MYCBP2: variants seen among roughly 807,000 people sequenced by gnomAD.
MYCBP2 encodes MYC binding protein 2.
MYCBP2 carries 120 observed loss-of-function variants against 525.3 expected under a neutral mutation model. The observed-to-expected ratio is 0.23, with a 90% CI of 0.20 to 0.27. The LOEUF is 0.27. MYCBP2 is among the 10% of genes least tolerant of loss of function. The pLI, the probability that MYCBP2 is intolerant of heterozygous loss-of-function variation, is 1.00. For synonymous variants in MYCBP2, 1,894 were observed against 1,955.8 expected (o/e 0.97, Z 0.83); for missense variants, 4,149 against 5,657.1 (o/e 0.73, Z 8.55).
chr13:77,074,620 A>G (rs1041360843), intron 68 of MYCBP2, among the ~76,000 whole-genome samples: 1 of 152,272 alleles, frequency 6.6e-6, no homozygotes, highest in African/African-American at 2.4e-5. Context: ...ATCCATCAAA[A>G]AATGAAAGGA....
intron 52 of MYCBP2, among the ~76,000 whole-genome samples, chr13:77,133,134 A>G (rs895266758): frequency 6.6e-6 from 1 of 152,164 alleles, no homozygotes; most frequent in Non-Finnish European, 1.5e-5. Context: ...CACTAGATTA[A>G]TGCATACGGA....
chr13:77,140,050 A>G lies in MYCBP2; in HGVS notation c.7515T>C (p.Asp2505=). 6.3e-7 allele frequency: 1 copy of G among 1,594,236 alleles called. No individual in the cohort carries two copies. Among genetic ancestry groups the G allele is most frequent in the Non-Finnish European group, 8.5e-7 (1 of 1,170,462 alleles). Residue 2505 remains aspartate, a synonymous_variant, in exon 51 of 83, where the codon GAT becomes GAC. Coordinates refer to ENST00000544440, the MANE Select transcript of MYCBP2 (RefSeq NM_015057.5). ...VKVNGTITFI[D]EIHNDDGVWL... ...CAAAAGCTCCTTTATCAATTACCTC[A>G]TCAATAAAAGTGATAGTTCCATTGA...
chr13:77,174,069 C>A (rs2059390809), intron 37 of MYCBP2, among the ~76,000 whole-genome samples: 1 of 152,166 alleles, frequency 6.6e-6, no homozygotes, highest in African/African-American at 2.4e-5. Context: ...GCCCAGTACA[C>A]AAACATTTCA....
chr13:77,236,057 T>C lies in MYCBP2; in HGVS notation c.2630-2794A>G, dbSNP rs939470009. Among the ~76,000 whole-genome samples, 8 of 152,168 alleles carry C rather than the reference T, an allele frequency of 5.3e-5. 1 individual carries two copies. The South Asian group carries it at 1.7e-3, about 32-fold the overall frequency. On this transcript the variant is annotated intron_variant, in intron 17 of 82. Coordinates refer to ENST00000544440, the MANE Select transcript of MYCBP2 (RefSeq NM_015057.5). The stretch of plus-strand genomic sequence containing the variant: ...TCTGATCTGTATTGCAGAATGAATA[T>C]TCTGGAAAGAAGGTGGCTAATGGCT...
intron 46 of MYCBP2, 29 bp from the exon 47 acceptor site, chr13:77,150,978 C>G: frequency 6.5e-7 from 1 of 1,541,100 alleles, no homozygotes; most frequent in Non-Finnish European, 9.0e-7. Context: ...AAACCAAATA[C>G]CATTATTATT....
intron 35 of MYCBP2, 74 bp downstream of exon 35, chr13:77,177,674 A>G (rs571033609): frequency 8.0e-7 from 1 of 1,255,018 alleles, no homozygotes; most frequent in Admixed American, 1.9e-5. Flanking sequence ...TAAACCCCTG[A>G]ACATACTATG....
chr13:77,173,638 A>G (rs1474889689), intron 37 of MYCBP2, among the ~76,000 whole-genome samples: 1 of 152,234 alleles, frequency 6.6e-6, no homozygotes, highest in Non-Finnish European at 1.5e-5. Flanking sequence ...ATGGAAATTC[A>G]GTGATTTAAT....
chr13:77,263,981 T>C lies in MYCBP2; in HGVS notation c.1379A>G (p.Asn460Ser), dbSNP rs1269070657. ...ATATTCTCCATCAGTGAATAAAATATTTTGACCTTCAGTGTGGCAATCTGT... is the reference window on the plus strand; with the variant it reads ...ATATTCTCCATCAGTGAATAAAATACTTTGACCTTCAGTGTGGCAATCTGT... The part of the protein sequence containing the change: ...MLPDCHTEGQ[N>S]ILFTDGEYIN... The change falls in exon 9 of 83, where the codon AAT becomes AGT. Residue 460 changes from asparagine to serine, a missense_variant. By Grantham distance (46) the Asn-to-Ser change is conservative. This residue lies in a region of MYCBP2 where 262 missense variants were observed against 419.3 expected (regional missense o/e 0.62). Coordinates refer to ENST00000544440, the MANE Select transcript of MYCBP2 (RefSeq NM_015057.5). 8.1e-6 allele frequency: 13 copies of C among 1,612,480 alleles called. No individual in the cohort carries two copies. The highest frequency in any genetic ancestry group is 8.5e-6 in the Non-Finnish European group (10 of 1,179,108).
At chr13:77,224,277 A>AC (rs1404875079) in intron 20 of MYCBP2, among the ~76,000 whole-genome samples, 174 bp downstream of exon 20, 1 of 152,126 alleles carries the variant, frequency 6.6e-6, no homozygotes, top group African/African-American at 2.4e-5. Flanking sequence ...AAAGCACTCA[A>AC]CCATAAGATC....
chr13:77,086,915 TTTC>T (rs535805850), intron 62 of MYCBP2, among the ~76,000 whole-genome samples: 127 of 152,242 alleles, frequency 8.3e-4, no homozygotes, highest in African/African-American at 2.7e-3. Flanking sequence ...TCACTTCATA[TTTC>T]TTCTTACAAT....
chr13:77,271,429 AAGT>A (rs1169198857), intron 5 of MYCBP2, among the ~76,000 whole-genome samples: 1 of 152,182 alleles, frequency 6.6e-6, no homozygotes, highest in Admixed American at 6.5e-5. Flanking sequence ...TGAAATGGAC[AAGT>A]AGTATGCATT....
intron 19 of MYCBP2, 40 bp from the exon 20 acceptor site, chr13:77,224,572 C>A (rs1463138740): frequency 3.3e-6 from 4 of 1,209,856 alleles, no homozygotes; most frequent in Non-Finnish European, 4.9e-6. Flanking sequence ...TCATTATATG[C>A]ATTTTACATT....
At chr13:77,263,456 T>A (rs912922093) in intron 10 of MYCBP2, among the ~76,000 whole-genome samples, 195 bp downstream of exon 10, 2 of 152,042 alleles carry the variant, frequency 1.3e-5, no homozygotes, top group African/African-American at 4.8e-5. Context: ...TCTTCAAATA[T>A]CATACTTTGT....
intron 58 of MYCBP2, among the ~76,000 whole-genome samples, chr13:77,094,550 C>A (rs567486580): frequency 6.6e-6 from 1 of 152,154 alleles, no homozygotes; most frequent in Non-Finnish European, 1.5e-5. Flanking sequence ...TTGGGTGAAC[C>A]AATCACTTTG....
At chr13:77,075,991 A>G (rs1335471647) in intron 68 of MYCBP2, 1 of 152,242 alleles carries the variant, frequency 6.6e-6, no homozygotes, top group Non-Finnish European at 1.5e-5. Flanking sequence ...AGGGCTGCCA[A>G]GGTGATTATT....
chr13:77,173,074 C>T lies in MYCBP2; in HGVS notation c.5651+1237G>A, dbSNP rs143826033. Among the ~76,000 whole-genome samples the T allele has an allele frequency of 1.0e-3, 158 of 152,260 alleles. 1 individual carries two copies. The highest frequency in any genetic ancestry group is 3.4e-3 in the Middle Eastern group (1 of 294). On this transcript the variant is annotated intron_variant, in intron 37 of 82. Transcript: ENST00000544440. Reference sequence around the variant, plus strand: ...ACTAGTGTCATCCAAATGAAGATGTCAGAAGAGAGACCCGGAGTCCAGGGC... The same window carrying T: ...ACTAGTGTCATCCAAATGAAGATGTTAGAAGAGAGACCCGGAGTCCAGGGC...
At chr13:77,055,489 C>G in intron 80 of MYCBP2, 69 bp downstream of exon 80, 1 of 1,278,076 alleles carries the variant, frequency 7.8e-7, no homozygotes, top group Non-Finnish European at 1.1e-6. Context: ...TATCACTGTA[C>G]AATTTGAATT....
chr13:77,225,902 C>T (rs2066187970), intron 18 of MYCBP2, among the ~76,000 whole-genome samples: 1 of 152,114 alleles, frequency 6.6e-6, no homozygotes, highest in Admixed American at 6.5e-5. Flanking sequence ...TAAAAAATTA[C>T]TGCATGCAAA....
At chr13:77,263,377 T>A (rs942525635) in intron 10 of MYCBP2, among the ~76,000 whole-genome samples, 1 of 152,032 alleles carries the variant, frequency 6.6e-6, no homozygotes, top group East Asian at 1.9e-4. Context: ...ATAATTCTCA[T>A]TAAATTTTAT....
Sources: allele counts gnomAD v4.1 joint callset (sites outside exome capture counted in the v4.1 genomes callset), GRCh38; gene constraint gnomAD v4.1.1; regional missense constraint gnomAD v4.1.1; transcripts MANE v1.5; gene names NCBI Gene and HGNC (gene_info 2026-07-23, HGNC 2026-07-21).